The following SARNP variants were observed in gnomAD, a reference collection of about 807,000 sequenced individuals.
SARNP encodes SAP domain-containing ribonucleoprotein.
A neutral mutation model predicts 38.1 loss-of-function variants in SARNP; 5 were observed. That is an observed-to-expected ratio of 0.13 (90% CI 0.07 to 0.28). The LOEUF is 0.28. SARNP is among the 10% of genes least tolerant of loss of function. SARNP has a pLI of 1.00. For missense variants in SARNP, 180 were observed against 243.9 expected (o/e 0.74, Z 1.75); for synonymous variants, 84 against 80.6 (o/e 1.04, Z -0.23).
chr12:55,753,012 C>CGA (rs1555170725), downstream of SARNP: 1 of 152,198 alleles, frequency 6.6e-6, no homozygotes, highest in Non-Finnish European at 1.5e-5. Flanking sequence ...ACAGAAAACA[C>CGA]TAAGGGCATG....
At chr12:55,797,072 G>A (rs1442265970) in intron 4 of SARNP, among the ~76,000 whole-genome samples, 3 of 152,160 alleles carry the variant, frequency 2.0e-5, no homozygotes, top group Non-Finnish European at 4.4e-5. Flanking sequence ...ATAAAACTGT[G>A]GGTCATAACC....
intron 9 of SARNP, among the ~76,000 whole-genome samples, chr12:55,776,403 A>G (rs1471342530): frequency 2.6e-5 from 4 of 152,212 alleles, no homozygotes; most frequent in East Asian, 1.9e-4. Context: ...ACGGCACTCT[A>G]TAAGTGAGAC....
intron 9 of SARNP, among the ~76,000 whole-genome samples, chr12:55,787,078 A>T (rs1181841128): frequency 2.6e-5 from 4 of 151,748 alleles, no homozygotes; most frequent in African/African-American, 9.7e-5. Context: ...AAAAAAATTC[A>T]AAAACTGGCC....
chr12:55,786,538 C>T (rs141041433), intron 9 of SARNP, among the ~76,000 whole-genome samples: 98 of 152,306 alleles, frequency 6.4e-4, no homozygotes, highest in African/African-American at 2.3e-3. Flanking sequence ...CAGCCTCCGC[C>T]CTCCGAGTTC....
intron 1 of SARNP, among the ~76,000 whole-genome samples, chr12:55,807,746 G>A (rs1336083844): frequency 2.0e-5 from 3 of 151,282 alleles, no homozygotes; most frequent in Non-Finnish European, 2.9e-5. Context: ...CCCGGGAGGC[G>A]GAGCTTGCAG....
intron 9 of SARNP, among the ~76,000 whole-genome samples, chr12:55,770,475 A>G (rs1257568957): frequency 6.7e-6 from 1 of 149,578 alleles, no homozygotes; most frequent in African/African-American, 2.5e-5. Context: ...TCCTGACCTC[A>G]TGATCCGCCT....
intron 4 of SARNP, among the ~76,000 whole-genome samples, chr12:55,798,192 G>A (rs1011421154): frequency 6.6e-6 from 1 of 152,086 alleles, no homozygotes; most frequent in African/African-American, 2.4e-5. Context: ...GTATTTGATA[G>A]GCTGGAAAGT....
chr12:55,809,132 G>A lies in SARNP; in HGVS notation c.37-5404C>T, dbSNP rs534205530. Among the ~76,000 whole-genome samples the A allele has an allele frequency of 2.0e-5, 3 of 152,230 alleles. No homozygotes were observed. The East Asian group carries it at 5.8e-4, about 29-fold the overall frequency. On this transcript the variant is annotated intron_variant, in intron 1 of 10. Transcript: ENST00000336133. ...AAAGCTGGAGGATGGCCTGAGTCCA[G>A]GAAGTCGAGGCTGCAGTGAGCCGAG...
intron 9 of SARNP, among the ~76,000 whole-genome samples, chr12:55,771,657 A>C (rs978038441): frequency 1.4e-4 from 21 of 152,194 alleles, no homozygotes; most frequent in Admixed American, 1.2e-3. Flanking sequence ...AGAGGCTGAC[A>C]GAGAGCTAAG....
intron 1 of SARNP, among the ~76,000 whole-genome samples, chr12:55,804,077 G>C (rs567780421): frequency 6.6e-6 from 1 of 152,226 alleles, no homozygotes; most frequent in East Asian, 1.9e-4. Context: ...CCAGCATATT[G>C]GAAGAATGAA....
At chr12:55,771,386 G>A (rs1206893460) in intron 9 of SARNP, among the ~76,000 whole-genome samples, 1 of 152,180 alleles carries the variant, frequency 6.6e-6, no homozygotes, top group African/African-American at 2.4e-5. Context: ...CACAAAGCAT[G>A]AGTACTTTCA....
chr12:55,793,169 C>G (rs1228064968), intron 7 of SARNP: 2 of 152,200 alleles, frequency 1.3e-5, no homozygotes, highest in Admixed American at 6.6e-5. Context: ...GTGGTCCCAG[C>G]TACTCAGGAG....
Position 55,794,842 on chromosome 12 carries a change from C to T in SARNP, c.342G>A (p.Val114=). 1 of 1,609,344 alleles carries T rather than the reference C, an allele frequency of 6.2e-7. No individual in the cohort carries two copies. The highest frequency in any genetic ancestry group is 8.5e-7 in the Non-Finnish European group (1 of 1,177,322). The part of the protein sequence containing the change: ...QKRAERFNVP[V]SLESKKAARA... ...GAGCAGCTTTCTTACTCTCCAAGCT[C>T]ACAGGTACATTGAATCGTTCAGCCC... The change falls in exon 6 of 11, where the codon GTG becomes GTA. Residue 114 remains valine (V), a synonymous_variant. Transcript: ENST00000336133.
chr12:55,759,808 G>T (rs1878621669), intron 10 of SARNP, among the ~76,000 whole-genome samples: 1 of 152,166 alleles, frequency 6.6e-6, no homozygotes, highest in East Asian at 1.9e-4. Context: ...CGCCATCCAG[G>T]TTCACTGCAG....
rs374080328 is a variant in SARNP, at chr12:55,760,623, T to C, written c.519A>G (p.Lys173=). The C allele has an allele frequency of 2.7e-5, 44 of 1,612,182 alleles. No homozygotes were observed. The East Asian group carries it at 4.7e-4, about 17-fold the overall frequency. ...CAAATCGCTCCTTCCTCTTTTTCAG[T>C]TTCTCATCATCTTCAGACTGTTCAA... ...SISRKSEDDE[K]LKKRKERFGI... Residue 173 remains lysine (K), a synonymous_variant, in exon 10 of 11, where the codon AAA becomes AAG. Coordinates refer to ENST00000336133, the MANE Select transcript of SARNP (RefSeq NM_033082.4).
intron 9 of SARNP, among the ~76,000 whole-genome samples, chr12:55,785,040 T>C (rs1195203551): frequency 1.3e-5 from 2 of 152,218 alleles, no homozygotes; most frequent in Non-Finnish European, 2.9e-5. Flanking sequence ...GGTCCAGAAA[T>C]TGAAAATGTT....
chr12:55,817,316 G>A (rs776982888), intron 1 of SARNP, among the ~76,000 whole-genome samples: 7 of 152,198 alleles, frequency 4.6e-5, no homozygotes, highest in Non-Finnish European at 1.0e-4. Flanking sequence ...AACGGATCCT[G>A]GCTCCGACAT....
At chr12:55,787,375 A>C (rs1879530953) in intron 9 of SARNP, among the ~76,000 whole-genome samples, 1 of 152,292 alleles carries the variant, frequency 6.6e-6, no homozygotes, top group Admixed American at 6.5e-5. Context: ...AACCAATGTC[A>C]GGTAAGTTTC....
intron 9 of SARNP, among the ~76,000 whole-genome samples, chr12:55,774,193 A>T (rs1879094163): frequency 6.6e-6 from 1 of 151,812 alleles, no homozygotes; most frequent in African/African-American, 2.4e-5. Flanking sequence ...TGTAGAGACA[A>T]GGTCTCACTA....
Sources: allele counts gnomAD v4.1 joint callset (sites outside exome capture counted in the v4.1 genomes callset), GRCh38; gene constraint gnomAD v4.1.1; transcripts MANE v1.5; gene names NCBI Gene and HGNC (gene_info 2026-07-23, HGNC 2026-07-21).